METTL8: variants seen among roughly 807,000 people sequenced by gnomAD.
METTL8 encodes methyltransferase 8, tRNA N3-cytidine, also known as tRNA N(3)-cytidine methyltransferase METTL8, mitochondrial.
In METTL8, 32 loss-of-function variants were observed where a neutral mutation model predicts 48.7. The ratio of observed to expected loss-of-function variants is 0.66; its 90% CI spans 0.50 to 0.88. METTL8 has a LOEUF of 0.88. Among genes scored for constraint, METTL8 ranks in the 40% least tolerant of loss-of-function variants. The pLI, the probability that METTL8 is intolerant of heterozygous loss-of-function variation, is 0.00. For missense variants in METTL8, 464 were observed against 474.4 expected (o/e 0.98, Z 0.20); for synonymous variants, 136 against 157.1 (o/e 0.87, Z 1.01).
intron 3 of METTL8, among the ~76,000 whole-genome samples, chr2:171,352,766 A>G (rs61502503): frequency 0.07 from 10,694 of 152,208 alleles, 715 homozygotes; most frequent in African/African-American, 0.17. Flanking sequence ...AGAGGTGTTT[A>G]CAGTATACTC....
chr2:171,424,541 AAGG>A (rs1195381612), intron 1 of METTL8, among the ~76,000 whole-genome samples: 1 of 152,266 alleles, frequency 6.6e-6, no homozygotes, highest in African/African-American at 2.4e-5. Flanking sequence ...CATGGAGTCA[AAGG>A]AGATCATTTT....
intron 2 of METTL8, among the ~76,000 whole-genome samples, chr2:171,368,069 C>T (rs2105492242): frequency 6.6e-6 from 1 of 152,160 alleles, no homozygotes; most frequent in East Asian, 1.9e-4. Flanking sequence ...ATATTCTCTG[C>T]CACCATCCAG....
Position 171,316,389 on chromosome 2 carries a change from A to G in METTL8, c.*7783T>C, listed in dbSNP as rs192103769. ...TCCATGGTTTTTTCCTAAAGTAAAC[A>G]AAAGATCTGCAAAAGTATTTCCTTG... On this transcript the variant is annotated 3_prime_UTR_variant, in exon 10 of 10. Transcript: ENST00000375258. Among the ~76,000 whole-genome samples the G allele has an allele frequency of 1.8e-3, 280 of 152,356 alleles. No individual in the cohort carries two copies. Among genetic ancestry groups the G allele is most frequent in the Middle Eastern group, 0.01 (3 of 294 alleles).
In METTL8 at chr2:171,391,687, C is replaced by A. The variant is rs531120455; in HGVS notation, c.143+356G>T. 5.9e-5 allele frequency among the ~76,000 whole-genome samples: 9 copies of A among 152,152 alleles called. No individual in the cohort carries two copies. In the South Asian group the frequency reaches 1.9e-3, roughly 32 times the overall value. Reference sequence around the variant, plus strand: ...GTACTGATCTGCATTTGCTGGATGACAAGTATGAAAAAGAGGGAAGGAACT... The same window carrying A: ...GTACTGATCTGCATTTGCTGGATGAAAAGTATGAAAAAGAGGGAAGGAACT... On this transcript the variant is annotated intron_variant, in intron 2 of 9. Coordinates refer to ENST00000375258, the MANE Select transcript of METTL8 (RefSeq NM_001321154.2).
chr2:171,409,577 C>T (rs1268618667), intron 1 of METTL8, among the ~76,000 whole-genome samples: 2 of 152,110 alleles, frequency 1.3e-5, no homozygotes, highest in Non-Finnish European at 2.9e-5. Flanking sequence ...TTCTCCCCCA[C>T]TGAATGGCAG....
intron 7 of METTL8, 145 bp downstream of exon 7, chr2:171,330,414 C>T: frequency 1.5e-6 from 1 of 665,604 alleles, no homozygotes; most frequent in South Asian, 2.5e-5. Flanking sequence ...AAAGGAAAAA[C>T]TGCCTTTAAA....
intron 3 of METTL8, among the ~76,000 whole-genome samples, chr2:171,353,104 T>C (rs976391955): frequency 1.2e-4 from 18 of 152,234 alleles, no homozygotes; most frequent in African/African-American, 4.1e-4. Context: ...TTGTGGGCCT[T>C]TAGTGCTATA....
At chr2:171,418,952 G>C (rs947716820) in intron 1 of METTL8, among the ~76,000 whole-genome samples, 14 of 151,504 alleles carry the variant, frequency 9.2e-5, no homozygotes, top group African/African-American at 3.4e-4. Flanking sequence ...TCCAGTATAA[G>C]TATAGTCCGG....
intron 1 of METTL8, among the ~76,000 whole-genome samples, chr2:171,392,423 G>C (rs1384819834): frequency 1.3e-5 from 2 of 152,164 alleles, no homozygotes; most frequent in African/African-American, 4.8e-5. Flanking sequence ...TTTTTTTGAA[G>C]CCATAGCCTT....
rs1025196811 is a variant in METTL8, at chr2:171,320,727, T to C, written c.*3445A>G. The C allele has an allele frequency of 6.6e-6, 1 of 152,274 alleles. No homozygotes were observed. Among genetic ancestry groups the C allele is most frequent in the Non-Finnish European group, 1.5e-5 (1 of 68,040 alleles). The allele number at this position is 152,274 out of a possible 1,614,324, so 9.4% of individuals were successfully genotyped here. A position where few individuals can be genotyped will look rare whatever the true frequency, so the allele number is the denominator to read the frequency against. ...TTTAATGTTTATATTTACTGACTTA[T>C]GCATGTTTAAACAGAAAGCTTGATA... is the stretch of plus-strand genomic sequence containing the variant. On this transcript the variant is annotated 3_prime_UTR_variant, in exon 10 of 10. Coordinates refer to ENST00000375258, the MANE Select transcript of METTL8 (RefSeq NM_001321154.2).
chr2:171,405,972 G>A (rs1395866404), intron 1 of METTL8, among the ~76,000 whole-genome samples: 3 of 152,198 alleles, frequency 2.0e-5, no homozygotes, highest in African/African-American at 7.2e-5. Flanking sequence ...ATAAAAGAAT[G>A]TCAATGAACA....
chr2:171,416,329 CAGGG>C, intron 1 of METTL8, among the ~76,000 whole-genome samples: 1 of 152,344 alleles, frequency 6.6e-6, no homozygotes, highest in East Asian at 1.9e-4. Context: ...TCCCATATCA[CAGGG>C]ATTCACCTTT....
At chr2:171,412,860 C>A (rs1243127333) in intron 1 of METTL8, among the ~76,000 whole-genome samples, 1 of 152,180 alleles carries the variant, frequency 6.6e-6, no homozygotes, top group East Asian at 1.9e-4. Context: ...ACAACTGACA[C>A]CATTTGTTGC....
At chr2:171,326,365 A>G (rs1684957830) in intron 7 of METTL8, 2 of 480,664 alleles carry the variant, frequency 4.2e-6, no homozygotes, top group Non-Finnish European at 7.3e-6. Flanking sequence ...TAGAGTATCA[A>G]GAAATCACCC....
chr2:171,337,474 A>C lies in METTL8; in HGVS notation c.635T>G (p.Phe212Cys). 6.2e-7 allele frequency: 1 copy of C among 1,606,320 alleles called. No individual in the cohort carries two copies. Among genetic ancestry groups the C allele is most frequent in the Non-Finnish European group, 8.5e-7 (1 of 1,176,178 alleles). The change falls in exon 5 of 10, where the codon TTT (phenylalanine) becomes TGT (cysteine). Residue 212 changes from phenylalanine to cysteine, a missense_variant. Coordinates refer to ENST00000375258, the MANE Select transcript of METTL8 (RefSeq NM_001321154.2). ...EVGCGAGNSV[F>C]PILNTLENSP... ...TCACTCCAAAGTGTTCAAAATTGGA[A>C]ACACACTATTTCCAGCTCCACAACC...
rs547443043 is a variant in METTL8 at position 171,433,600 on chromosome 2, G to A, written c.-13+283C>T. Among the ~76,000 whole-genome samples the A allele has an allele frequency of 8.5e-5, 13 of 152,284 alleles. No individual in the cohort carries two copies. In the South Asian group the frequency reaches 2.3e-3, roughly 27 times the overall value. ...TCTTTTACTTAGAGACATCGACGAG[G>A]AATATCTTAGGCCGTCCAATAAGAA... is the stretch of plus-strand genomic sequence containing the variant. On this transcript the variant is annotated intron_variant, in intron 1 of 9. Coordinates refer to ENST00000375258, the MANE Select transcript of METTL8 (RefSeq NM_001321154.2).
At chr2:171,433,535 G>C (rs538364762) in intron 1 of METTL8, among the ~76,000 whole-genome samples, 5 of 152,286 alleles carry the variant, frequency 3.3e-5, no homozygotes, top group Non-Finnish European at 5.9e-5. Context: ...AGTGTGCTGG[G>C]AACTTTGAAC....
chr2:171,350,714 T>G (rs1180330801), intron 3 of METTL8, among the ~76,000 whole-genome samples: 1 of 152,250 alleles, frequency 6.6e-6, no homozygotes, highest in Non-Finnish European at 1.5e-5. Context: ...TGACGGCCAG[T>G]GATGATGAGC....
chr2:171,417,004 T>C (rs1008364238), intron 1 of METTL8, among the ~76,000 whole-genome samples: 3 of 152,218 alleles, frequency 2.0e-5, no homozygotes, highest in Non-Finnish European at 4.4e-5. Flanking sequence ...GAACCCTACA[T>C]CTGAGGGGTT....
Sources: gnomAD v4.1 joint callset for allele counts (sites outside exome capture counted in the v4.1 genomes callset) on GRCh38, gnomAD v4.1.1 for gene constraint, MANE v1.5 for transcripts, NCBI Gene and HGNC (gene_info 2026-07-23, HGNC 2026-07-21) for gene names.